Variants in EIPR1 observed in about 807,000 individuals in gnomAD.
The protein encoded by EIPR1 is EARP complex and GARP complex interacting protein 1, also known as EARP and GARP complex-interacting protein 1.
A neutral mutation model predicts 48.1 loss-of-function variants in EIPR1; 25 were observed. The ratio of observed to expected loss-of-function variants is 0.52; its 90% CI spans 0.38 to 0.73. EIPR1 has a LOEUF of 0.73. EIPR1 is among the 30% of genes least tolerant of loss of function. The pLI is 0.00. For missense variants in EIPR1, 415 were observed against 506.2 expected (o/e 0.82, Z 1.73); for synonymous variants, 204 against 201.9 (o/e 1.01, Z -0.09).
intron 3 of EIPR1, among the ~76,000 whole-genome samples, chr2:3,336,307 T>G (rs1372733059): frequency 6.6e-6 from 1 of 152,192 alleles, no homozygotes; most frequent in African/African-American, 2.4e-5. Context: ...TGAGACACTG[T>G]CAGCTTGGAC....
chr2:3,326,304 G>C (rs1159079828), intron 3 of EIPR1, among the ~76,000 whole-genome samples: 3 of 152,288 alleles, frequency 2.0e-5, no homozygotes, highest in Non-Finnish European at 4.4e-5. Flanking sequence ...ACGCTCCAGA[G>C]GTTACTTGAC....
chr2:3,216,210 C>T (rs1334561532), intron 4 of EIPR1, among the ~76,000 whole-genome samples: 1 of 152,190 alleles, frequency 6.6e-6, no homozygotes, highest in Non-Finnish European at 1.5e-5. Flanking sequence ...AGATCTCGTG[C>T]TGGTGGAGTA....
intron 3 of EIPR1, among the ~76,000 whole-genome samples, chr2:3,324,033 A>C (rs971531552): frequency 2.6e-5 from 4 of 152,246 alleles, no homozygotes; most frequent in Admixed American, 2.0e-4. Flanking sequence ...ACGGGACAGA[A>C]CAACGATTTA....
intron 4 of EIPR1, among the ~76,000 whole-genome samples, chr2:3,221,825 C>T (rs1218367989): frequency 6.7e-6 from 1 of 149,336 alleles, no homozygotes; most frequent in African/African-American, 2.6e-5. Context: ...GACACAAGCC[C>T]ACAATGGCCG....
chr2:3,346,836 C>T (rs1261414811), intron 2 of EIPR1, among the ~76,000 whole-genome samples: 1 of 152,182 alleles, frequency 6.6e-6, no homozygotes, highest in African/African-American at 2.4e-5. Context: ...ACCCAAAGAG[C>T]CCTTCCAGCT....
At chr2:3,226,633 T>C (rs1666075211) in intron 4 of EIPR1, among the ~76,000 whole-genome samples, 1 of 152,236 alleles carries the variant, frequency 6.6e-6, no homozygotes. Flanking sequence ...CATTTGTTTA[T>C]TTTTGCTTTT....
Position 3,247,383 on chromosome 2 carries a change from C to T in EIPR1, c.416+9916G>A, listed in dbSNP as rs182431291. Reference sequence around the variant, plus strand: ...GGAGAGCCTCTTTATCATCAAAGGGCGATGGAAAACCATAAAATTACCCTG... The same window carrying T: ...GGAGAGCCTCTTTATCATCAAAGGGTGATGGAAAACCATAAAATTACCCTG... On this transcript the variant is annotated intron_variant, in intron 4 of 8. Transcript: ENST00000382125. Among the ~76,000 whole-genome samples, 100 of 152,222 alleles carry T rather than the reference C, an allele frequency of 6.6e-4. 1 individual carries two copies. In the East Asian group the frequency reaches 0.011, roughly 17 times the overall value.
At chr2:3,297,454 GA>G (rs1668636679) in intron 3 of EIPR1, among the ~76,000 whole-genome samples, 1 of 152,360 alleles carries the variant, frequency 6.6e-6, no homozygotes, top group African/African-American at 2.4e-5. Context: ...TAGATGAGCA[GA>G]TTTTCAAAGT....
chr2:3,348,072 G>A (rs899651433), intron 2 of EIPR1, among the ~76,000 whole-genome samples: 2 of 152,194 alleles, frequency 1.3e-5, no homozygotes, highest in African/African-American at 4.8e-5. Flanking sequence ...TGCAGGCGGG[G>A]GGGCTGCAGG....
chr2:3,342,658 C>T (rs545622775), intron 2 of EIPR1, among the ~76,000 whole-genome samples: 1 of 152,348 alleles, frequency 6.6e-6, no homozygotes, highest in South Asian at 2.1e-4. Flanking sequence ...TCCAATGGGA[C>T]TCAGCTCCTG....
At position 3,311,809 on chromosome 2, in the gene EIPR1, C is replaced by T. The variant is rs555455257; in HGVS notation, c.259+26208G>A. Among the ~76,000 whole-genome samples, 223 of 41,826 alleles carry T rather than the reference C, an allele frequency of 5.3e-3. 1 individual carries two copies. The highest frequency in any genetic ancestry group is 0.018 in the African/African-American group (212 of 11,588). 27.4% of individuals were successfully genotyped at this position (41,826 alleles called of 152,430 possible). On this transcript the variant is annotated intron_variant, in intron 3 of 8. Coordinates refer to ENST00000382125, the MANE Select transcript of EIPR1 (RefSeq NM_003310.5). ...GGGGCTCCATTCGCGGGGTGCTGGG[C>T]GGGGGGGCTCTACTCTGGGGCACCA...
At chr2:3,358,183 C>T (rs1670774324) in intron 1 of EIPR1, among the ~76,000 whole-genome samples, 1 of 152,276 alleles carries the variant, frequency 6.6e-6, no homozygotes, top group African/African-American at 2.4e-5. Flanking sequence ...TGTTTTGATT[C>T]ATTTCTTTCA....
intron 4 of EIPR1, among the ~76,000 whole-genome samples, chr2:3,234,710 C>T (rs1332825430): frequency 1.3e-5 from 2 of 152,254 alleles, no homozygotes; most frequent in Admixed American, 1.3e-4. Flanking sequence ...GCAGCATTCA[C>T]AAAACTGAGC....
chr2:3,254,523 A>G (rs1458029286), intron 4 of EIPR1, among the ~76,000 whole-genome samples: 1 of 152,216 alleles, frequency 6.6e-6, no homozygotes, highest in Non-Finnish European at 1.5e-5. Context: ...ACCAGCACGC[A>G]TGGTGGCTGG....
intron 3 of EIPR1, 36 bp downstream of exon 3, chr2:3,337,981 T>G (rs772035973): frequency 6.4e-7 from 1 of 1,567,538 alleles, no homozygotes. Flanking sequence ...TCCAGTTACC[T>G]CCAGTTAGCA....
chr2:3,239,435 C>T (rs912898072), intron 4 of EIPR1, among the ~76,000 whole-genome samples: 3 of 152,196 alleles, frequency 2.0e-5, no homozygotes, highest in Non-Finnish European at 4.4e-5. Flanking sequence ...GATGCACAGA[C>T]GCTTAGACAC....
intron 1 of EIPR1, among the ~76,000 whole-genome samples, chr2:3,362,191 A>G (rs2103384272): frequency 6.6e-6 from 1 of 152,010 alleles, no homozygotes; most frequent in South Asian, 2.1e-4. Context: ...CACGGGGATG[A>G]GCCCCTCACT....
intron 2 of EIPR1, among the ~76,000 whole-genome samples, chr2:3,339,337 C>A (rs959672287): frequency 6.6e-6 from 1 of 152,186 alleles, no homozygotes; most frequent in Non-Finnish European, 1.5e-5. Context: ...CTGTGCCTGG[C>A]GCACTCTGCA....
chr2:3,201,691 C>T (rs985999321), intron 5 of EIPR1, among the ~76,000 whole-genome samples: 15 of 152,274 alleles, frequency 9.9e-5, no homozygotes, highest in African/African-American at 1.4e-4. Context: ...CGACCCTAAA[C>T]GCTAAGCCAC....
Sources: gnomAD v4.1 joint callset for allele counts (sites outside exome capture counted in the v4.1 genomes callset) on GRCh38, gnomAD v4.1.1 for gene constraint, MANE v1.5 for transcripts, NCBI Gene and HGNC (gene_info 2026-07-23, HGNC 2026-07-21) for gene names.